The following PRMT8 variants were observed in gnomAD, a reference collection of about 807,000 sequenced individuals.
The protein encoded by PRMT8 is protein arginine methyltransferase 8.
A neutral mutation model predicts 47.1 loss-of-function variants in PRMT8; 7 were observed. The ratio of observed to expected loss-of-function variants is 0.15; its 90% CI spans 0.08 to 0.28. The LOEUF is 0.28. Among genes scored for constraint, PRMT8 ranks in the 10% least tolerant of loss-of-function variants. PRMT8 has a pLI of 1.00. For synonymous variants in PRMT8, 188 were observed against 186.5 expected, an observed-to-expected ratio of 1.01 and a Z score of -0.07; for missense variants, 237 against 505.4, an observed-to-expected ratio of 0.47 and a Z score of 5.09.
At chr12:3,528,359 CT>C (rs1405366291) in intron 1 of PRMT8, among the ~76,000 whole-genome samples, 1 of 152,062 alleles carries the variant, frequency 6.6e-6, no homozygotes, top group Non-Finnish European at 1.5e-5. Flanking sequence ...ATTTTTTTCT[CT>C]GTGGGTTTTT....
intron 1 of PRMT8, among the ~76,000 whole-genome samples, chr12:3,479,593 A>G (rs1472080178): frequency 1.3e-5 from 2 of 152,196 alleles, no homozygotes; most frequent in African/African-American, 2.4e-5. Flanking sequence ...ACTCCCCTAA[A>G]GAAGCGGCTA....
chr12:3,402,882 G>A (rs1388070081), intron 1 of PRMT8, among the ~76,000 whole-genome samples: 3 of 152,184 alleles, frequency 2.0e-5, no homozygotes, highest in Non-Finnish European at 4.4e-5. Context: ...GTGTAAATTA[G>A]TTCAACCATT....
intron 1 of PRMT8, among the ~76,000 whole-genome samples, chr12:3,396,134 A>C (rs1449944948): frequency 6.6e-6 from 1 of 152,130 alleles, no homozygotes; most frequent in African/African-American, 2.4e-5. Flanking sequence ...TTTCCTGAGT[A>C]CAGCACACTG....
At chr12:3,544,121 G>T (rs927066239) in intron 2 of PRMT8, among the ~76,000 whole-genome samples, 1 of 152,186 alleles carries the variant, frequency 6.6e-6, no homozygotes, top group African/African-American at 2.4e-5. Flanking sequence ...TATTTAATAG[G>T]CAGGAAAGCC....
intron 1 of PRMT8, among the ~76,000 whole-genome samples, chr12:3,452,088 G>A (rs1351670260): frequency 2.0e-5 from 3 of 152,170 alleles, no homozygotes. Flanking sequence ...GAGAAAATGG[G>A]TACCCTCTTA....
upstream of PRMT8, among the ~76,000 whole-genome samples, chr12:3,490,239 G>A (rs946470699): frequency 2.0e-5 from 3 of 152,162 alleles, no homozygotes; most frequent in Non-Finnish European, 4.4e-5. Context: ...CAGCCTGAGT[G>A]TCCTGTTGCA....
chr12:3,425,418 G>T (rs564361161), intron 1 of PRMT8, among the ~76,000 whole-genome samples: 2 of 152,208 alleles, frequency 1.3e-5, no homozygotes, highest in Non-Finnish European at 2.9e-5. Flanking sequence ...CTCGGCCAGG[G>T]CCCCACAGTC....
chr12:3,396,131 A>C (rs1349669475), intron 1 of PRMT8, among the ~76,000 whole-genome samples: 1 of 152,182 alleles, frequency 6.6e-6, no homozygotes, highest in Non-Finnish European at 1.5e-5. Context: ...GGGTTTCCTG[A>C]GTACAGCACA....
chr12:3,392,264 G>A (rs1247288397), intron 1 of PRMT8, among the ~76,000 whole-genome samples: 2 of 151,642 alleles, frequency 1.3e-5, no homozygotes, highest in Admixed American at 6.6e-5. Flanking sequence ...ACAATGTGCA[G>A]GTTAGTTACA....
rs955005538 is a variant in PRMT8, at chr12:3,566,119, C to T, written c.482-2587C>T. ...AAAAAGTAAGGGAGGCCATTAAAGA[C>T]AATTTTTAAGTTTACAAAACTAAGG... On this transcript the variant is annotated intron_variant, in intron 4 of 9. Coordinates refer to ENST00000382622, the MANE Select transcript of PRMT8 (RefSeq NM_019854.5). The surrounding 1 kb of genome is among the most constrained non-coding windows in gnomAD (Gnocchi z 4.7). Among the ~76,000 whole-genome samples, 4 of 152,192 alleles carry T rather than the reference C, an allele frequency of 2.6e-5. No individual in the cohort carries two copies. The highest frequency in any genetic ancestry group is 5.9e-5 in the Non-Finnish European group (4 of 68,026).
chr12:3,402,859 C>T (rs145367083), intron 1 of PRMT8, among the ~76,000 whole-genome samples: 290 of 152,308 alleles, frequency 1.9e-3, no homozygotes, highest in African/African-American at 6.6e-3. Context: ...AACACTTTTA[C>T]ACTGTTGGTC....
In PRMT8 at chr12:3,543,600, G is replaced by A. The variant is rs141471602; in HGVS notation, c.261+2809G>A. ...AACGTGGTGCGGATAGACTGGGTTT[G>A]ATTGATCTGTAAATACAAACAAGAA... On this transcript the variant is annotated intron_variant, in intron 2 of 9. Transcript: ENST00000382622. Among the ~76,000 whole-genome samples, 570 of 152,276 alleles carry A rather than the reference G, an allele frequency of 3.7e-3. 9 individuals are homozygous for A. The highest frequency in any genetic ancestry group is 0.013 in the African/African-American group (534 of 41,550).
chr12:3,475,634 A>G (rs902754441), intron 1 of PRMT8, among the ~76,000 whole-genome samples: 3 of 152,146 alleles, frequency 2.0e-5, no homozygotes, highest in Non-Finnish European at 4.4e-5. Flanking sequence ...GGTATTCGCC[A>G]CTTTTGGTCT....
intron 1 of PRMT8, among the ~76,000 whole-genome samples, chr12:3,431,422 G>A (rs946189634): frequency 1.3e-5 from 2 of 152,164 alleles, no homozygotes; most frequent in African/African-American, 4.8e-5. Context: ...AGAAGGCAGA[G>A]GCCTCCAGAT....
intron 1 of PRMT8, among the ~76,000 whole-genome samples, chr12:3,477,557 AG>A (rs771636344): frequency 6.6e-5 from 10 of 152,256 alleles, no homozygotes; most frequent in Non-Finnish European, 1.2e-4. Flanking sequence ...CACTTCTGAT[AG>A]AGATTTTTAA....
chr12:3,406,127 C>A (rs1399616914), intron 1 of PRMT8, among the ~76,000 whole-genome samples: 1 of 152,274 alleles, frequency 6.6e-6, no homozygotes, highest in Non-Finnish European at 1.5e-5. Context: ...CACCTGGAAG[C>A]TGCCAAGTCT....
intron 1 of PRMT8, among the ~76,000 whole-genome samples, chr12:3,523,565 G>T (rs967109052): frequency 2.0e-5 from 3 of 152,152 alleles, no homozygotes; most frequent in Admixed American, 2.0e-4. Flanking sequence ...AATTTAAAAA[G>T]TTAAGACTGA....
At chr12:3,524,642 T>TAAAAAAAA (rs34644466) in intron 1 of PRMT8, among the ~76,000 whole-genome samples, 1 of 89,292 alleles carries the variant, frequency 1.1e-5, no homozygotes, top group Non-Finnish European at 2.3e-5. Flanking sequence ...CAAGACAATC[T>TAAAAAAAA]AAAAAAAAAA....
intron 1 of PRMT8, among the ~76,000 whole-genome samples, chr12:3,516,548 A>G (rs573500208): frequency 3.9e-5 from 6 of 152,348 alleles, no homozygotes; most frequent in African/African-American, 1.4e-4. Context: ...GAAGAAAACT[A>G]AAGCAAGTAA....
Sources: gnomAD v4.1 joint callset for allele counts (sites outside exome capture counted in the v4.1 genomes callset) on GRCh38, gnomAD v4.1.1 for gene constraint, Gnocchi (gnomAD v3.1) non-coding constraint, MANE v1.5 for transcripts, NCBI Gene and HGNC (gene_info 2026-07-23, HGNC 2026-07-21) for gene names.